The following GRIK4 variants were observed in gnomAD, a reference collection of about 807,000 sequenced individuals.
GRIK4 encodes glutamate ionotropic receptor kainate type subunit 4.
In GRIK4, 40 loss-of-function variants were observed where a neutral mutation model predicts 104.9. That is an observed-to-expected ratio of 0.38 (90% CI 0.30 to 0.50). The LOEUF is 0.50. GRIK4 is among the 20% of genes least tolerant of loss of function. GRIK4 has a pLI of 0.93. For synonymous variants in GRIK4, 485 were observed against 524.9 expected (o/e 0.92, Z 1.04); for missense variants, 1,047 against 1,308.1 (o/e 0.80, Z 3.08).
intron 1 of GRIK4, among the ~76,000 whole-genome samples, chr11:120,645,049 T>A (rs1949523844): frequency 6.6e-6 from 1 of 152,238 alleles, no homozygotes; most frequent in African/African-American, 2.4e-5. Flanking sequence ...TACATGTGTA[T>A]GTACATATGT....
rs182736074 is a variant in GRIK4, at chr11:120,885,468, C to A, written c.1164+10225C>A. ...TGGCACAATCTTGGCTCACTGCAAC[C>A]TGCACTTCCTGGGTTCAAGCGATTC... On this transcript the variant is annotated intron_variant, in intron 11 of 20. Coordinates refer to ENST00000527524, the MANE Select transcript of GRIK4 (RefSeq NM_014619.5). Among the ~76,000 whole-genome samples the A allele has an allele frequency of 2.0e-5, 3 of 152,158 alleles. No individual in the cohort carries two copies. In the East Asian group the frequency reaches 5.8e-4, roughly 29 times the overall value.
chr11:120,593,902 C>G (rs1299210940), intron 1 of GRIK4, among the ~76,000 whole-genome samples: 2 of 152,178 alleles, frequency 1.3e-5, no homozygotes, highest in Non-Finnish European at 2.9e-5. Flanking sequence ...CTCTCCACAT[C>G]CCATACCCCA....
At chr11:120,633,748 TTC>T (rs759636964) in intron 1 of GRIK4, among the ~76,000 whole-genome samples, 18 of 152,100 alleles carry the variant, frequency 1.2e-4, no homozygotes, top group Non-Finnish European at 1.9e-4. Flanking sequence ...AAGGGAGAGT[TTC>T]TCTGTCTCCC....
intron 4 of GRIK4, among the ~76,000 whole-genome samples, chr11:120,807,670 A>G (rs1952743286): frequency 6.6e-6 from 1 of 151,926 alleles, no homozygotes; most frequent in South Asian, 2.1e-4. Context: ...AAAAAAAGTA[A>G]GAAGCCAGAA....
chr11:120,632,812 C>T (rs1227165520), intron 1 of GRIK4, among the ~76,000 whole-genome samples: 1 of 152,112 alleles, frequency 6.6e-6, no homozygotes, highest in African/African-American at 2.4e-5. Context: ...CCCTTCTCCA[C>T]CACTGGGGAG....
chr11:120,752,218 T>C lies in GRIK4; in HGVS notation c.83-50475T>C, dbSNP rs150386596. ...TCTGTCAGCCAGGGAGCAGGAGGTC[T>C]GATTTAAAATCTAGCTCTTCAGTCT... On this transcript the variant is annotated intron_variant, in intron 3 of 20. Coordinates refer to ENST00000527524, the MANE Select transcript of GRIK4 (RefSeq NM_014619.5). Among the ~76,000 whole-genome samples the C allele has an allele frequency of 3.2e-3, 495 of 152,328 alleles. 3 individuals are homozygous for C. The highest frequency in any genetic ancestry group is 0.011 in the African/African-American group (470 of 41,584).
At position 120,729,418 on chromosome 11, in the gene GRIK4, G is replaced by A. The variant is rs199531726; in HGVS notation, c.82+69018G>A. On this transcript the variant is annotated intron_variant, in intron 3 of 20. Transcript: ENST00000527524. ...CCCTTTTCTCCACATGCTTGCCAGC[G>A]TTTGTTATTGCCTGACTTTTGGATA... is the stretch of plus-strand genomic sequence containing the variant. 1.2e-4 allele frequency among the ~76,000 whole-genome samples: 18 copies of A among 152,266 alleles called. No homozygotes were observed. The East Asian group carries it at 2.7e-3, about 23-fold the overall frequency.
chr11:120,765,250 G>T (rs1951816171), intron 3 of GRIK4, among the ~76,000 whole-genome samples: 3 of 151,094 alleles, frequency 2.0e-5, no homozygotes, highest in African/African-American at 7.3e-5. Flanking sequence ...GATCGGTTTG[G>T]CTATTGATCC....
At chr11:120,709,299 A>C (rs1011822062) in intron 3 of GRIK4, among the ~76,000 whole-genome samples, 21 of 151,898 alleles carry the variant, frequency 1.4e-4, no homozygotes, top group African/African-American at 5.1e-4. Context: ...ATCTCATGGC[A>C]GTTCCGCTCA....
intron 13 of GRIK4, among the ~76,000 whole-genome samples, chr11:120,926,161 G>T (rs151090220): frequency 6.6e-6 from 1 of 152,070 alleles, no homozygotes; most frequent in Admixed American, 6.6e-5. Flanking sequence ...GCCTCTCTGG[G>T]CTTTGCCACA....
At chr11:120,770,077 A>G (rs1372198955) in intron 3 of GRIK4, among the ~76,000 whole-genome samples, 2 of 152,222 alleles carry the variant, frequency 1.3e-5, no homozygotes, top group Non-Finnish European at 2.9e-5. Context: ...TGTTAGACCC[A>G]GAGGAGTTCT....
intron 3 of GRIK4, among the ~76,000 whole-genome samples, chr11:120,678,885 G>A (rs1438166216): frequency 5.3e-5 from 8 of 151,558 alleles, no homozygotes; most frequent in East Asian, 1.9e-4. Context: ...CACATGCCTC[G>A]GCCTCCCAAA....
At chr11:120,833,945 C>G (rs1398610142) in intron 7 of GRIK4, among the ~76,000 whole-genome samples, 1 of 152,176 alleles carries the variant, frequency 6.6e-6, no homozygotes, top group Non-Finnish European at 1.5e-5. Flanking sequence ...TCCTATCATA[C>G]AGAGTTCCCA....
Position 120,607,402 on chromosome 11 carries a change from A to C in GRIK4, c.-158-46283A>C, listed in dbSNP as rs7943795. 3.9e-3 allele frequency among the ~76,000 whole-genome samples: 588 copies of C among 152,284 alleles called. 6 individuals are homozygous for C. Among genetic ancestry groups the C allele is most frequent in the African/African-American group, 0.013 (552 of 41,554 alleles). ...AGGAGGCCGGGAGAAGGCCTTCATGAAGAGAGCCCAGGTGCTTGCAGCTTG... is the reference window on the plus strand; with the variant it reads ...AGGAGGCCGGGAGAAGGCCTTCATGCAGAGAGCCCAGGTGCTTGCAGCTTG... On this transcript the variant is annotated intron_variant, in intron 1 of 20. Coordinates refer to ENST00000527524, the MANE Select transcript of GRIK4 (RefSeq NM_014619.5).
intron 3 of GRIK4, among the ~76,000 whole-genome samples, chr11:120,759,694 T>C (rs572995524): frequency 2.0e-5 from 3 of 152,068 alleles, no homozygotes; most frequent in African/African-American, 7.2e-5. Flanking sequence ...ACCAAAATAC[T>C]GGTAAGGGAA....
chr11:120,913,313 C>G (rs1407457047), intron 13 of GRIK4, among the ~76,000 whole-genome samples: 1 of 151,870 alleles, frequency 6.6e-6, no homozygotes, highest in Non-Finnish European at 1.5e-5. Context: ...GGAGGGTGCC[C>G]AGAATTTGAT....
intron 1 of GRIK4, among the ~76,000 whole-genome samples, chr11:120,643,472 G>A (rs1235987580): frequency 6.6e-6 from 1 of 152,222 alleles, no homozygotes; most frequent in Non-Finnish European, 1.5e-5. Flanking sequence ...AGAGCACAAT[G>A]CCTGGAGCAT....
chr11:120,560,404 T>G (rs748588557), intron 1 of GRIK4, among the ~76,000 whole-genome samples: 13 of 152,122 alleles, frequency 8.5e-5, no homozygotes, highest in Non-Finnish European at 1.5e-4. Context: ...CCGCATTTGT[T>G]ATGCTGGCCA....
At chr11:120,769,709 C>T (rs1031455880) in intron 3 of GRIK4, among the ~76,000 whole-genome samples, 1 of 152,142 alleles carries the variant, frequency 6.6e-6, no homozygotes, top group East Asian at 1.9e-4. Context: ...GTTTCAGTCC[C>T]TAAATTATGT....
Sources: gnomAD v4.1 joint callset for allele counts (sites outside exome capture counted in the v4.1 genomes callset) on GRCh38, gnomAD v4.1.1 for gene constraint, MANE v1.5 for transcripts, NCBI Gene and HGNC (gene_info 2026-07-23, HGNC 2026-07-21) for gene names.